DLG2: variants seen among roughly 807,000 people sequenced by gnomAD.
DLG2 encodes disks large homolog 2.
In DLG2, 45 loss-of-function variants were observed where a neutral mutation model predicts 132.5. That is an observed-to-expected ratio of 0.34 (90% confidence interval 0.27 to 0.44). DLG2 has a LOEUF of 0.44. DLG2 is among the 20% of genes least tolerant of loss of function. The probability of loss-of-function intolerance (pLI) is 1.00; values close to 1 mark genes in which losing one functional copy is unlikely to be tolerated. For synonymous variants in DLG2, 424 were observed against 419.6 expected, an observed-to-expected ratio of 1.01 and a Z score of -0.13; for missense variants, 1,045 against 1,196.9, an observed-to-expected ratio of 0.87 and a Z score of 1.87.
At chr11:83,543,381 C>A (rs1200799895) in intron 19 of DLG2, among the ~76,000 whole-genome samples, 1 of 152,124 alleles carries the variant, frequency 6.6e-6, no homozygotes, top group Non-Finnish European at 1.5e-5. Flanking sequence ...AGTCTAGTAA[C>A]AACATTCACC....
At chr11:83,964,444 T>C (rs1384757) in intron 13 of DLG2, among the ~76,000 whole-genome samples, 37,467 of 151,818 alleles carry the variant, frequency 0.25, 5,290 homozygotes, top group African/African-American at 0.38. Context: ...AAGAGAAACA[T>C]GTAAGTCTGA....
intron 3 of DLG2, among the ~76,000 whole-genome samples, chr11:85,590,527 G>A (rs497698): frequency 0.36 from 54,701 of 151,730 alleles, 10,028 homozygotes; most frequent in South Asian, 0.42. Context: ...CCACAGTTCA[G>A]TAAAACATAT....
At chr11:84,728,966 T>C (rs1197423773) in intron 6 of DLG2, among the ~76,000 whole-genome samples, 2 of 152,130 alleles carry the variant, frequency 1.3e-5, no homozygotes, top group African/African-American at 4.8e-5. Context: ...TTGCATCTAT[T>C]TGATTCTTCT....
intron 18 of DLG2, among the ~76,000 whole-genome samples, chr11:83,671,292 A>G (rs536576547): frequency 4.1e-4 from 62 of 152,264 alleles, no homozygotes; most frequent in Non-Finnish European, 6.9e-4. Flanking sequence ...TAGAACATAA[A>G]TTGAGATTTA....
At chr11:83,890,331 T>G (rs1395544752) in intron 15 of DLG2, among the ~76,000 whole-genome samples, 4 of 152,162 alleles carry the variant, frequency 2.6e-5, no homozygotes, top group Non-Finnish European at 4.4e-5. Context: ...GTAGAGTTTT[T>G]TTTTTGGAAA....
intron 6 of DLG2, among the ~76,000 whole-genome samples, chr11:84,762,912 AC>A (rs1313421724): frequency 6.6e-6 from 1 of 152,178 alleles, no homozygotes; most frequent in Non-Finnish European, 1.5e-5. Context: ...TAACCAAGAC[AC>A]AGATGCATGG....
intron 6 of DLG2, among the ~76,000 whole-genome samples, chr11:85,007,399 G>T (rs939703083): frequency 6.6e-6 from 1 of 151,938 alleles, no homozygotes; most frequent in Admixed American, 6.6e-5. Context: ...AGTGGCTCAC[G>T]CCTGTAATCC....
chr11:83,471,168 CT>C (rs2091977327), intron 24 of DLG2, among the ~76,000 whole-genome samples: 4 of 152,126 alleles, frequency 2.6e-5, no homozygotes. Context: ...AAACCTGGGA[CT>C]GTCAACATGG....
chr11:84,303,425 C>G (rs540397592), intron 7 of DLG2, among the ~76,000 whole-genome samples: 2 of 152,264 alleles, frequency 1.3e-5, no homozygotes, highest in South Asian at 4.1e-4. Flanking sequence ...AACTACTGTA[C>G]TCCAAGCACT....
chr11:85,105,994 GAA>G lies in DLG2; in HGVS notation c.357+5665_357+5666del, dbSNP rs61473493. Reference sequence around the variant, plus strand: ...GGGTTGGGAGGAACTACCAAAAAAAGAAAAAAAAAAAAACCTTTAGGACTATT... The same window carrying G: ...GGGTTGGGAGGAACTACCAAAAAAAGAAAAAAAAAAACCTTTAGGACTATT... On this transcript the variant is annotated intron_variant, in intron 6 of 27. Coordinates refer to ENST00000376104, the MANE Select transcript of DLG2 (RefSeq NM_001142699.3). Among the ~76,000 whole-genome samples the G allele has an allele frequency of 2.2e-3, 314 of 145,426 alleles. 2 individuals carry two copies. The highest frequency in any genetic ancestry group is 7.0e-3 in the Middle Eastern group (2 of 284).
rs189518123 is a variant in DLG2 at position 83,957,011 on chromosome 11, C to T, written c.1340+5874G>A. On this transcript the variant is annotated intron_variant, in intron 14 of 27. Coordinates refer to ENST00000376104, the MANE Select transcript of DLG2 (RefSeq NM_001142699.3). ...GGTGTGTCGACTTCATTTTAAGACT[C>T]GGAAGAAAAATAACGTAGTTTGTAA... is the stretch of plus-strand genomic sequence containing the variant. Among the ~76,000 whole-genome samples the T allele has an allele frequency of 2.4e-3, 361 of 152,234 alleles. 2 individuals are homozygous for T. Among genetic ancestry groups the T allele is most frequent in the African/African-American group, 8.5e-3 (353 of 41,530 alleles).
chr11:85,041,311 T>C (rs929223938), intron 6 of DLG2, among the ~76,000 whole-genome samples: 2 of 151,972 alleles, frequency 1.3e-5, no homozygotes, highest in African/African-American at 4.8e-5. Context: ...AAGATACTTA[T>C]GAAAATAAGT....
chr11:85,079,399 T>A (rs2066949522), intron 6 of DLG2, among the ~76,000 whole-genome samples: 1 of 152,018 alleles, frequency 6.6e-6, no homozygotes, highest in Non-Finnish European at 1.5e-5. Flanking sequence ...ATTCCCATCA[T>A]GGCCTGAACT....
intron 6 of DLG2, among the ~76,000 whole-genome samples, chr11:84,639,185 A>G (rs1416732428): frequency 6.6e-6 from 1 of 152,164 alleles, no homozygotes; most frequent in Non-Finnish European, 1.5e-5. Flanking sequence ...TAGCATTTGG[A>G]AAGAGTTGCT....
At position 84,741,056 on chromosome 11, in the gene DLG2, CTTTTTTTTTTTTTTTTT is replaced by C. The variant is rs1163275954; in HGVS notation, c.358-206342_358-206326del. 1.9e-4 allele frequency among the ~76,000 whole-genome samples: 15 copies of C among 79,330 alleles called. No individual in the cohort carries two copies. In the East Asian group the frequency reaches 3.3e-3, roughly 18 times the overall value. The allele number at this position is 79,330 out of a possible 152,430, so 52.0% of individuals were successfully genotyped here. The stretch of plus-strand genomic sequence containing the variant: ...GACCAAACAACTGTGTGCCTATGCT[CTTTTTTTTTTTTTTTTT>C]TTTTTTTTTTTGAGATGGAGTCTCG... On this transcript the variant is annotated intron_variant, in intron 6 of 27. Coordinates refer to ENST00000376104, the MANE Select transcript of DLG2 (RefSeq NM_001142699.3).
chr11:83,992,378 C>T (rs2093771487), intron 11 of DLG2, among the ~76,000 whole-genome samples: 1 of 151,956 alleles, frequency 6.6e-6, no homozygotes, highest in Non-Finnish European at 1.5e-5. Context: ...GGCGGCCTAC[C>T]TTGGGCTAGA....
chr11:84,683,961 C>T (rs2099735823), intron 6 of DLG2, among the ~76,000 whole-genome samples: 3 of 152,166 alleles, frequency 2.0e-5, no homozygotes, highest in African/African-American at 7.2e-5. Context: ...AACAAAGCAT[C>T]TTGAATTTAC....
intron 3 of DLG2, among the ~76,000 whole-genome samples, chr11:85,488,398 AAAC>A (rs936702450): frequency 1.2e-4 from 19 of 152,026 alleles, no homozygotes; most frequent in South Asian, 1.0e-3. Flanking sequence ...AAAAAAAAAA[AAAC>A]AACAACAACA....
chr11:84,296,933 T>C (rs765839630), intron 7 of DLG2, among the ~76,000 whole-genome samples: 6 of 151,700 alleles, frequency 4.0e-5, no homozygotes, highest in Non-Finnish European at 8.8e-5. Flanking sequence ...TTCATGAAAG[T>C]ATTAGAGAAA....
Sources: gnomAD v4.1 joint callset for allele counts (sites outside exome capture counted in the v4.1 genomes callset) on GRCh38, gnomAD v4.1.1 for gene constraint, MANE v1.5 for transcripts, NCBI Gene and HGNC (gene_info 2026-07-23, HGNC 2026-07-21) for gene names.